Variants in GLRA1 observed in about 807,000 individuals in gnomAD.
GLRA1 encodes glycine receptor alpha 1, also known as glycine receptor subunit alpha-1.
Under a neutral mutation model 48.3 loss-of-function variants are expected in GLRA1, and 37 were observed. The observed-to-expected ratio is 0.77, with a 90% CI of 0.59 to 1.01. GLRA1 has a LOEUF of 1.01. GLRA1 is among the 50% of genes least tolerant of loss of function. GLRA1 has a pLI of 0.00. For missense variants in GLRA1, 427 were observed against 571.0 expected, an observed-to-expected ratio of 0.75 and a Z score of 2.57; for synonymous variants, 196 against 210.7, an observed-to-expected ratio of 0.93 and a Z score of 0.60.
intron 7 of GLRA1, among the ~76,000 whole-genome samples, chr5:151,838,483 TAAAG>T (rs1763630296): frequency 6.6e-6 from 1 of 151,858 alleles, no homozygotes; most frequent in African/African-American, 2.4e-5. Flanking sequence ...AAAGAAATGA[TAAAG>T]AAGAACCAAA....
At chr5:151,830,005 A>G (rs1763384460) in intron 7 of GLRA1, among the ~76,000 whole-genome samples, 1 of 152,254 alleles carries the variant, frequency 6.6e-6, no homozygotes, top group Non-Finnish European at 1.5e-5. Flanking sequence ...CCTTTTAGCT[A>G]CTGTGAGTAA....
At position 151,836,994 on chromosome 5, in the gene GLRA1, C is replaced by A. The variant is rs540730357; in HGVS notation, c.913-7927G>T. Among the ~76,000 whole-genome samples the A allele has an allele frequency of 8.0e-4, 122 of 152,092 alleles. 1 individual carries two copies. The highest frequency in any genetic ancestry group is 3.5e-4 in the Non-Finnish European group (24 of 67,948). On this transcript the variant is annotated intron_variant, in intron 7 of 8. Transcript: ENST00000274576. ...GCACAGCAAACAACAACAACAACAA[C>A]AAAAAACCAAAAAACTATCATCAGA...
rs1463917816 is a variant in GLRA1 at position 151,924,539 on chromosome 5, A to G, written c.11T>C (p.Phe4Ser). 4 of 1,603,774 alleles carry G rather than the reference A, an allele frequency of 2.5e-6. No homozygotes were observed. In the East Asian group the frequency reaches 6.7e-5, roughly 27 times the overall value. MYS[F>S]NTLRLYLWET... ...CCAAAGGTAGAGTCGAAGAGTATTGAAGCTGTACATTTTTCAGGTCCTTGT... is the reference window on the plus strand; with the variant it reads ...CCAAAGGTAGAGTCGAAGAGTATTGGAGCTGTACATTTTTCAGGTCCTTGT... Residue 4 changes from phenylalanine (F) to serine (S), a missense_variant, in exon 1 of 9, where the codon TTC becomes TCC. Phe to Ser is a radical substitution (Grantham distance 155). Around this residue, in one of 4 missense-constraint regions of GLRA1, gnomAD observed 271 missense variants for 434.9 expected, o/e 0.62. Transcript: ENST00000274576.
rs754563002 is a variant in GLRA1 at position 151,856,303 on chromosome 5, C to T, written c.557G>A (p.Ser186Asn). ...GAGGACTCATGCAAGACACTCACAG[C>T]TTTCCAGTTGCATGATACATGTCTG... The part of the protein sequence containing the change: ...DVQTCIMQLE[S>N]FGYTMNDLIF... The change falls in exon 5 of 9, where the codon AGC (serine) becomes AAC (asparagine). Residue 186 changes from serine to asparagine, a missense_variant and splice_region_variant. Transcript: ENST00000274576. 1.2e-6 allele frequency: 2 copies of T among 1,606,532 alleles called. No individual in the cohort carries two copies. The highest frequency in any genetic ancestry group is 2.2e-5 in the South Asian group (2 of 90,974).
In GLRA1 at chr5:151,849,495, T is replaced by TTC. The variant is rs1561555262; in HGVS notation, c.912+1894_912+1895insGA. Among the ~76,000 whole-genome samples, 3 of 85,108 alleles carry TTC rather than the reference T, an allele frequency of 3.5e-5. No homozygotes were observed. The East Asian group carries it at 9.3e-4, about 26-fold the overall frequency. The allele number at this position is 85,108 out of a possible 152,430, so 55.8% of individuals were successfully genotyped here. On this transcript the variant is annotated intron_variant, in intron 7 of 8. Transcript: ENST00000274576. ...TCCTTCCTTCCTTCCTTCCTTCCTT[T>TTC]CTTTTCTTTCTTTCTTTCTTTCTTT...
At chr5:151,828,777 T>C (rs927499899) in intron 8 of GLRA1, 144 bp downstream of exon 8, 2 of 845,016 alleles carry the variant, frequency 2.4e-6, no homozygotes, top group African/African-American at 3.4e-5. Context: ...AGCTGAGACC[T>C]CTAGGTCTTT....
rs370730368 is a variant in GLRA1 at position 151,912,262 on chromosome 5, G to GTTTTT, written c.56+12227_56+12231dup. 8.1e-4 allele frequency among the ~76,000 whole-genome samples: 99 copies of GTTTTT among 121,488 alleles called. 1 individual carries two copies. Among genetic ancestry groups the GTTTTT allele is most frequent in the East Asian group, 2.2e-3 (9 of 4,126 alleles). 79.7% of individuals were successfully genotyped at this position (121,488 alleles called of 152,430 possible). ...CTCTTATTTGGCTCCTGTGAAGACT[G>GTTTTT]TTTTTTTTTTTTTTTTTTCTACTAG... On this transcript the variant is annotated intron_variant, in intron 1 of 8. Coordinates refer to ENST00000274576, the MANE Select transcript of GLRA1 (RefSeq NM_000171.4).
At chr5:151,832,740 G>A (rs964521753) in intron 7 of GLRA1, among the ~76,000 whole-genome samples, 15 of 152,216 alleles carry the variant, frequency 9.9e-5, no homozygotes, top group South Asian at 2.1e-4. Context: ...GTATTATCCA[G>A]GAGAACTTCC....
At chr5:151,869,727 CA>C (rs1753429374) in intron 3 of GLRA1, among the ~76,000 whole-genome samples, 1 of 149,178 alleles carries the variant, frequency 6.7e-6, no homozygotes, top group Non-Finnish European at 1.5e-5. Flanking sequence ...AAAACAAAAA[CA>C]AAAACAAAAA....
At chr5:151,889,578 T>C (rs922479550) in intron 2 of GLRA1, among the ~76,000 whole-genome samples, 6 of 152,198 alleles carry the variant, frequency 3.9e-5, no homozygotes, top group Non-Finnish European at 7.4e-5. Context: ...ACCTGTGTTT[T>C]CACGAGGGTC....
rs1753027030 is a variant in GLRA1, at chr5:151,855,839, C to T, written c.559+462G>A. Reference sequence around the variant, plus strand: ...AAATCCCAGTCCTCCATAAAGTCTACTCCAATAACCTCTTTCCTTCTCCAT... The same window carrying T: ...AAATCCCAGTCCTCCATAAAGTCTATTCCAATAACCTCTTTCCTTCTCCAT... On this transcript the variant is annotated intron_variant, in intron 5 of 8. Transcript: ENST00000274576. Among the ~76,000 whole-genome samples the T allele has an allele frequency of 2.0e-5, 3 of 152,218 alleles. No individual in the cohort carries two copies. In the South Asian group the frequency reaches 6.2e-4, roughly 31 times the overall value.
At chr5:151,849,662 C>T (rs1752847570) in intron 7 of GLRA1, 2 of 195,076 alleles carry the variant, frequency 1.0e-5, no homozygotes, top group South Asian at 2.1e-4. Context: ...AAGCGATTCT[C>T]CTGCCTCAGC....
chr5:151,828,398 C>T (rs180815375), intron 8 of GLRA1, among the ~76,000 whole-genome samples: 87 of 152,270 alleles, frequency 5.7e-4, no homozygotes, highest in African/African-American at 1.8e-3. Flanking sequence ...GGTGCCCTGT[C>T]AAATATTCCT....
At chr5:151,899,192 T>C (rs1450554196) in intron 1 of GLRA1, among the ~76,000 whole-genome samples, 1 of 152,204 alleles carries the variant, frequency 6.6e-6, no homozygotes, top group Non-Finnish European at 1.5e-5. Flanking sequence ...GTAGATAGAA[T>C]AGTTTAGGTA....
At chr5:151,882,239 G>A (rs1247564236) in intron 3 of GLRA1, among the ~76,000 whole-genome samples, 3 of 152,210 alleles carry the variant, frequency 2.0e-5, no homozygotes, top group Non-Finnish European at 4.4e-5. Context: ...CTGAGTTCAA[G>A]TTCTACCCTT....
At chr5:151,833,818 A>AAAAG (rs1483567419) in intron 7 of GLRA1, among the ~76,000 whole-genome samples, 4 of 145,824 alleles carry the variant, frequency 2.7e-5, no homozygotes, top group African/African-American at 1.0e-4. Context: ...AAAAAAAAGC[A>AAAAG]GGGGTTGCAA....
chr5:151,825,321 T>G (rs1310813411), intron 8 of GLRA1, among the ~76,000 whole-genome samples: 1 of 152,172 alleles, frequency 6.6e-6, no homozygotes, highest in Non-Finnish European at 1.5e-5. Flanking sequence ...TATTTTTTAT[T>G]TTAAACTGGG....
intron 2 of GLRA1, among the ~76,000 whole-genome samples, chr5:151,891,164 A>G (rs1754058201): frequency 6.6e-6 from 1 of 152,140 alleles, no homozygotes; most frequent in Non-Finnish European, 1.5e-5. Context: ...TTGGAATAAG[A>G]TTTTTGCAAG....
At chr5:151,859,613 TTC>T (rs1321751752) in intron 4 of GLRA1, among the ~76,000 whole-genome samples, 170 bp downstream of exon 4, 2 of 152,238 alleles carry the variant, frequency 1.3e-5, no homozygotes, top group African/African-American at 4.8e-5. Context: ...TTGTATTTTA[TTC>T]TTACTTGCCG....
Sources: gnomAD v4.1 joint callset for allele counts (sites outside exome capture counted in the v4.1 genomes callset) on GRCh38, gnomAD v4.1.1 for gene constraint, gnomAD v4.1.1 regional missense constraint, MANE v1.5 for transcripts, NCBI Gene and HGNC (gene_info 2026-07-23, HGNC 2026-07-21) for gene names.